The following CDH12 variants were observed in gnomAD, a reference collection of about 807,000 sequenced individuals.
CDH12 encodes the protein cadherin 12, also known as cadherin-12.
CDH12 carries 41 observed loss-of-function variants against 74.1 expected under a neutral mutation model. The observed-to-expected ratio is 0.55, with a 90% CI of 0.43 to 0.72. The LOEUF is 0.72. Ranked by LOEUF, CDH12 falls within the 30% of genes least tolerant of loss-of-function variation. The pLI is 0.00. For missense variants in CDH12, 945 were observed against 977.2 expected (o/e 0.97, Z 0.44); for synonymous variants, 399 against 355.0 (o/e 1.12, Z -1.39).
chr5:22,319,707 A>C (rs1368299396), intron 3 of CDH12, among the ~76,000 whole-genome samples: 1 of 152,156 alleles, frequency 6.6e-6, no homozygotes, highest in Admixed American at 6.5e-5. Flanking sequence ...TTTTTCTTTC[A>C]TATTTGTTTA....
intron 3 of CDH12, among the ~76,000 whole-genome samples, chr5:22,297,874 T>G (rs1344689466): frequency 1.3e-5 from 2 of 152,094 alleles, no homozygotes; most frequent in East Asian, 3.8e-4. Flanking sequence ...AATTTAAATA[T>G]AAATTTACAT....
rs1007243344 is a variant in CDH12 at position 21,846,180 on chromosome 5, G to A, written c.647-3852C>T. Among the ~76,000 whole-genome samples the A allele has an allele frequency of 1.8e-4, 28 of 152,068 alleles. No homozygotes were observed. In the East Asian group the frequency reaches 2.1e-3, roughly 12 times the overall value. ...CACACCTAGCCCTAACCAGTTTTTC[G>A]CACCTTATGCAAACAGTACACCTGG... On this transcript the variant is annotated intron_variant, in intron 7 of 14. Coordinates refer to ENST00000382254, the MANE Select transcript of CDH12 (RefSeq NM_004061.5).
At chr5:22,312,307 A>G (rs749210133) in intron 3 of CDH12, among the ~76,000 whole-genome samples, 100 of 152,272 alleles carry the variant, frequency 6.6e-4, no homozygotes, top group Non-Finnish European at 1.1e-3. Flanking sequence ...GGAATCTTCT[A>G]TTATTTCTCA....
intron 4 of CDH12, among the ~76,000 whole-genome samples, chr5:22,174,664 C>T (rs1347248505): frequency 2.0e-5 from 3 of 151,820 alleles, no homozygotes; most frequent in Admixed American, 1.3e-4. Context: ...GGGAATCAGT[C>T]AATACCATTT....
chr5:22,718,981 T>C (rs867315630), intron 1 of CDH12, among the ~76,000 whole-genome samples: 1 of 152,200 alleles, frequency 6.6e-6, no homozygotes, highest in African/African-American at 2.4e-5. Flanking sequence ...ATTGTAAATA[T>C]AGAGCTTTTA....
intron 9 of CDH12, among the ~76,000 whole-genome samples, chr5:21,809,714 G>A (rs1326092230): frequency 6.6e-6 from 1 of 152,074 alleles, no homozygotes; most frequent in Non-Finnish European, 1.5e-5. Flanking sequence ...TGTCCTTTTA[G>A]TCGACAACAA....
intron 2 of CDH12, among the ~76,000 whole-genome samples, chr5:22,438,340 C>T (rs1460963890): frequency 6.6e-6 from 1 of 151,996 alleles, no homozygotes; most frequent in East Asian, 1.9e-4. Context: ...GTATCCATAG[C>T]ACCTAACACA....
chr5:21,873,260 A>G (rs545662304), intron 6 of CDH12, among the ~76,000 whole-genome samples: 15 of 152,228 alleles, frequency 9.9e-5, no homozygotes, highest in African/African-American at 2.9e-4. Flanking sequence ...CATGGAGGCA[A>G]TTGGCTTAGG....
chr5:22,770,839 T>C (rs1248080327), intron 1 of CDH12, among the ~76,000 whole-genome samples: 3 of 152,156 alleles, frequency 2.0e-5, no homozygotes, highest in East Asian at 3.8e-4. Context: ...TACTCACATT[T>C]TAGCATTAAA....
intron 1 of CDH12, among the ~76,000 whole-genome samples, chr5:22,730,100 C>T (rs568697060): frequency 6.6e-6 from 1 of 151,822 alleles, no homozygotes; most frequent in African/African-American, 2.4e-5. Flanking sequence ...GAAAATACAT[C>T]TTTTGAAATA....
intron 1 of CDH12, among the ~76,000 whole-genome samples, chr5:22,525,533 G>T (rs979380704): frequency 6.6e-6 from 1 of 151,450 alleles, no homozygotes; most frequent in African/African-American, 2.4e-5. Context: ...AAGAAGGGAG[G>T]GAGAGAGGGA....
At chr5:22,061,393 T>C (rs1741177923) in intron 5 of CDH12, among the ~76,000 whole-genome samples, 1 of 152,142 alleles carries the variant, frequency 6.6e-6, no homozygotes, top group South Asian at 2.1e-4. Flanking sequence ...TTCTCTCATA[T>C]ATGAGCTACG....
intron 7 of CDH12, among the ~76,000 whole-genome samples, chr5:21,854,364 G>C (rs1038267744): frequency 6.6e-6 from 1 of 151,568 alleles, no homozygotes; most frequent in Non-Finnish European, 1.5e-5. Context: ...GAAATGAAAA[G>C]CTATTATAGC....
intron 1 of CDH12, among the ~76,000 whole-genome samples, chr5:22,685,725 C>A (rs971467045): frequency 1.3e-5 from 2 of 152,192 alleles, no homozygotes; most frequent in Admixed American, 6.5e-5. Context: ...TAACATGCAT[C>A]ATTCTTTCTT....
intron 1 of CDH12, among the ~76,000 whole-genome samples, chr5:22,836,221 C>CTATTTTTTT: frequency 7.5e-5 from 1 of 13,292 alleles, no homozygotes; most frequent in African/African-American, 3.0e-4. Context: ...TTCTTTCTTT[C>CTATTTTTTT]TCTTTTTTTT....
chr5:21,987,349 G>C (rs1174218000), intron 5 of CDH12, among the ~76,000 whole-genome samples: 1 of 152,054 alleles, frequency 6.6e-6, no homozygotes, highest in Admixed American at 6.6e-5. Flanking sequence ...AAAAATATTT[G>C]ATATATTCAC....
chr5:22,177,509 A>G (rs1028162580), intron 4 of CDH12, among the ~76,000 whole-genome samples: 1 of 152,158 alleles, frequency 6.6e-6, no homozygotes, highest in Non-Finnish European at 1.5e-5. Flanking sequence ...TGAAAATCCA[A>G]CTATTCAAAG....
chr5:22,610,638 T>A (rs1035974284), intron 1 of CDH12, among the ~76,000 whole-genome samples: 3 of 152,224 alleles, frequency 2.0e-5, no homozygotes, highest in African/African-American at 7.2e-5. Flanking sequence ...CTCATTTTTA[T>A]AATTGTATTC....
At chr5:22,376,229 C>T (rs1741517179) in intron 3 of CDH12, among the ~76,000 whole-genome samples, 1 of 151,974 alleles carries the variant, frequency 6.6e-6, no homozygotes, top group African/African-American at 2.4e-5. Flanking sequence ...TGTTGTCACT[C>T]ACATGTGGGA....
Sources: gnomAD v4.1 joint callset for allele counts (sites outside exome capture counted in the v4.1 genomes callset) on GRCh38, gnomAD v4.1.1 for gene constraint, MANE v1.5 for transcripts, NCBI Gene and HGNC (gene_info 2026-07-23, HGNC 2026-07-21) for gene names.